RABL6: variants seen among roughly 807,000 people sequenced by gnomAD.
RABL6 encodes the protein rab-like protein 6.
RABL6 carries 28 observed loss-of-function variants against 72.9 expected under a neutral mutation model. The ratio of observed to expected loss-of-function variants is 0.38; its 90% CI spans 0.28 to 0.53. The LOEUF (loss-of-function observed/expected upper bound fraction) is 0.53, where lower values mean the gene tolerates loss of function less well. Among genes scored for constraint, RABL6 ranks in the 20% least tolerant of loss-of-function variants. The pLI, the probability that RABL6 is intolerant of heterozygous loss-of-function variation, is 0.80. For missense variants in RABL6, 1,029 were observed against 1,008.4 expected (o/e 1.02, Z -0.28); for synonymous variants, 477 against 421.2 (o/e 1.13, Z -1.62).
At chr9:136,825,879 C>G in intron 3 of RABL6, 53 bp downstream of exon 3, 1 of 1,564,642 alleles carries the variant, frequency 6.4e-7, no homozygotes. Context: ...GTGCTCTGCG[C>G]AGAGAGGCTT....
At chr9:136,829,679 G>A (rs1358634562) in intron 5 of RABL6, among the ~76,000 whole-genome samples, 195 bp downstream of exon 5, 1 of 152,234 alleles carries the variant, frequency 6.6e-6, no homozygotes, top group Non-Finnish European at 1.5e-5. Flanking sequence ...CTATGCCTGT[G>A]CCTATGGGGC....
intron 5 of RABL6, among the ~76,000 whole-genome samples, chr9:136,830,639 A>T (rs906929845): frequency 6.6e-6 from 1 of 152,226 alleles, no homozygotes; most frequent in Admixed American, 6.5e-5. Context: ...AGCGAAGTTG[A>T]GTGTGGACAC....
intron 7 of RABL6, chr9:136,833,938 G>A (rs1174543160): frequency 6.5e-7 from 1 of 1,548,060 alleles, no homozygotes; most frequent in African/African-American, 1.4e-5. Flanking sequence ...GCTCCCCACT[G>A]CTCAGCTGCT....
intron 3 of RABL6, 87 bp from the exon 4 acceptor site, chr9:136,828,407 G>A (rs2131185945): frequency 4.4e-6 from 6 of 1,366,194 alleles, no homozygotes; most frequent in Non-Finnish European, 5.2e-6. Context: ...GGAGCTGGGG[G>A]CTGAGTGGCC....
chr9:136,839,407 C>T lies in RABL6; in HGVS notation c.1679C>T (p.Pro560Leu). The part of the protein sequence containing the change: ...ASSSESDPEG[P>L]IAAQMLSFVM... ...TCGTCGGAGAGTGACCCCGAGGGAC[C>T]CATTGCTGCACAAATGCTGTCCTTC... The change falls in exon 12 of 15, where the codon CCC becomes CTC. Residue 560 changes from proline to leucine, a missense_variant. This residue lies in a region of RABL6 where 595 missense variants were observed against 472.4 expected (regional missense o/e 1.26). Transcript: ENST00000311502. 2 of 1,612,494 alleles carry T rather than the reference C, an allele frequency of 1.2e-6. No homozygotes were observed. The highest frequency in any genetic ancestry group is 1.7e-6 in the Non-Finnish European group (2 of 1,179,700).
chr9:136,820,512 C>A (rs1471748061), intron 1 of RABL6, among the ~76,000 whole-genome samples: 1 of 151,986 alleles, frequency 6.6e-6, no homozygotes, highest in Non-Finnish European at 1.5e-5. Context: ...GCTGGGATTA[C>A]AGGTGTCCAC....
Position 136,840,552 on chromosome 9 carries a change from G to A in RABL6, c.*30G>A, listed in dbSNP as rs754537529. The A allele has an allele frequency of 3.0e-5, 47 of 1,546,192 alleles. No individual in the cohort carries two copies. Among genetic ancestry groups the A allele is most frequent in the South Asian group, 1.4e-4 (12 of 83,900 alleles). On this transcript the variant is annotated 3_prime_UTR_variant, in exon 15 of 15. Transcript: ENST00000311502. Reference sequence around the variant, plus strand: ...GCGTGGGCAGTGGCCGCCCTGGGGCGGGGGGCGTGCCTGTCACTGCCTGGG... The same window carrying A: ...GCGTGGGCAGTGGCCGCCCTGGGGCAGGGGGCGTGCCTGTCACTGCCTGGG...
Position 136,823,516 on chromosome 9 carries a change from C to T in RABL6, c.131-9C>T, listed in dbSNP as rs746889543. Reference sequence around the variant, plus strand: ...AATTTGCCTTTTCTTTTTCTCTTCCCGTCCCCAGTGAAGATAGTGATCCGG... The same window carrying T: ...AATTTGCCTTTTCTTTTTCTCTTCCTGTCCCCAGTGAAGATAGTGATCCGG... On this transcript the variant is annotated splice_polypyrimidine_tract_variant and intron_variant, in intron 1 of 14. Transcript: ENST00000311502. 8.7e-6 allele frequency: 14 copies of T among 1,613,176 alleles called. No homozygotes were observed. In the East Asian group the frequency reaches 1.1e-4, roughly 13 times the overall value.
At chr9:136,814,131 C>A in intron 1 of RABL6, 1 of 327,692 alleles carries the variant, frequency 3.1e-6, no homozygotes, top group South Asian at 2.9e-5. Flanking sequence ...TTGTCATACC[C>A]ATTCTGACAT....
intron 1 of RABL6, chr9:136,822,139 T>C: frequency 8.1e-7 from 1 of 1,231,386 alleles, no homozygotes; most frequent in Admixed American, 2.8e-5. Context: ...CCCTCAGAGC[T>C]TCGAGGCCGG....
intron 1 of RABL6, 199 bp downstream of exon 1, chr9:136,808,525 C>A (rs1373068648): frequency 1.5e-5 from 6 of 398,366 alleles, no homozygotes; most frequent in Non-Finnish European, 2.4e-5. Context: ...TCCTCGCGGC[C>A]CCCGAGCCGC....
At chr9:136,821,620 C>T (rs1183451479) in intron 1 of RABL6, 7 of 987,330 alleles carry the variant, frequency 7.1e-6, no homozygotes, top group East Asian at 1.1e-4. Context: ...GTTCCTGCCT[C>T]GGGCCGGAGG....
chr9:136,831,307 G>A (rs907660961), intron 5 of RABL6, among the ~76,000 whole-genome samples: 11 of 152,298 alleles, frequency 7.2e-5, no homozygotes, highest in South Asian at 4.1e-4. Context: ...GGGTGTCCTC[G>A]GCTGCCCCGG....
chr9:136,832,251 C>T lies in RABL6; in HGVS notation c.600-14C>T. The T allele has an allele frequency of 1.2e-6, 2 of 1,610,108 alleles. No homozygotes were observed. The highest frequency in any genetic ancestry group is 2.2e-5 in the South Asian group (2 of 90,984). On this transcript the variant is annotated splice_polypyrimidine_tract_variant and intron_variant, in intron 6 of 14. Coordinates refer to ENST00000311502, the MANE Select transcript of RABL6 (RefSeq NM_024718.5). ...GGGTCTTTCTCTTGCATCTTTTTTC[C>T]TTTCTGAAAGCAGACCTCCAGGTTC...
intron 1 of RABL6, among the ~76,000 whole-genome samples, chr9:136,816,735 G>C (rs7867772): frequency 7.5e-5 from 10 of 132,578 alleles, no homozygotes; most frequent in Non-Finnish European, 9.8e-5. Flanking sequence ...GGGGGGGGGG[G>C]TAATTTTTTA....
At chr9:136,808,883 G>A (rs894315403) in intron 1 of RABL6, 4 of 152,156 alleles carry the variant, frequency 2.6e-5, no homozygotes, top group Non-Finnish European at 4.4e-5. Context: ...ATCTAGAAAA[G>A]CTCCAGAAGG....
intron 1 of RABL6, chr9:136,809,401 G>C (rs1200455576): frequency 1.1e-5 from 3 of 263,590 alleles, no homozygotes; most frequent in African/African-American, 7.0e-5. Context: ...CAGACCACTC[G>C]GGCCACCCTC....
intron 1 of RABL6, chr9:136,822,138 C>T: frequency 3.2e-6 from 4 of 1,233,282 alleles, no homozygotes; most frequent in Non-Finnish European, 4.2e-6. Context: ...TCCCTCAGAG[C>T]TTCGAGGCCG....
intron 1 of RABL6, chr9:136,821,621 G>C (rs1848239529): frequency 2.0e-6 from 2 of 987,206 alleles, no homozygotes; most frequent in South Asian, 4.6e-5. Context: ...TTCCTGCCTC[G>C]GGCCGGAGGA....
Sources: allele counts gnomAD v4.1 joint callset (sites outside exome capture counted in the v4.1 genomes callset), GRCh38; gene constraint gnomAD v4.1.1; regional missense constraint gnomAD v4.1.1; transcripts MANE v1.5; gene names NCBI Gene and HGNC (gene_info 2026-07-23, HGNC 2026-07-21).